Variants in PCDHAC1 observed in about 807,000 individuals in gnomAD.
PCDHAC1 encodes protocadherin alpha-C1.
PCDHAC1 carries 42 observed loss-of-function variants against 60.0 expected under a neutral mutation model. That is an observed-to-expected ratio of 0.70 (90% CI 0.55 to 0.90). The LOEUF is 0.90. Among genes scored for constraint, PCDHAC1 ranks in the 40% least tolerant of loss-of-function variants. The probability of loss-of-function intolerance (pLI) is 0.00; values close to 1 mark genes in which losing one functional copy is unlikely to be tolerated. For synonymous variants in PCDHAC1, 468 were observed against 499.3 expected (o/e 0.94, Z 0.84); for missense variants, 1,160 against 1,222.3 (o/e 0.95, Z 0.76).
At chr5:141,005,303 A>T (rs2098205194) in intron 3 of PCDHAC1, among the ~76,000 whole-genome samples, 2 of 152,212 alleles carry the variant, frequency 1.3e-5, no homozygotes, top group Non-Finnish European at 2.9e-5. Context: ...TGCCTTTGTG[A>T]ATCTTACAGT....
intron 1 of PCDHAC1, chr5:140,969,257 AATC>A (rs782398697): frequency 1.2e-6 from 2 of 1,614,102 alleles, no homozygotes; most frequent in African/African-American, 2.7e-5. Context: ...TGACAGCAGG[AATC>A]TCACAGGCCA....
chr5:140,946,959 A>C (rs918204180), intron 1 of PCDHAC1, among the ~76,000 whole-genome samples: 2 of 151,664 alleles, frequency 1.3e-5, no homozygotes, highest in Non-Finnish European at 3.0e-5. Context: ...GTATATTTCA[A>C]AATATTATAG....
chr5:140,953,873 A>G (rs537538688), intron 1 of PCDHAC1, among the ~76,000 whole-genome samples: 53 of 152,258 alleles, frequency 3.5e-4, no homozygotes, highest in African/African-American at 1.3e-3. Context: ...TGCTGCACAG[A>G]TCAACCCATC....
chr5:140,968,405 G>A, intron 1 of PCDHAC1: 1 of 1,614,002 alleles, frequency 6.2e-7, no homozygotes, highest in Non-Finnish European at 8.5e-7. Flanking sequence ...GGAGTTCTTT[G>A]TGACTGTGGA....
At chr5:140,995,393 G>T (rs1267179638) in intron 3 of PCDHAC1, among the ~76,000 whole-genome samples, 5 of 152,184 alleles carry the variant, frequency 3.3e-5, no homozygotes, top group Non-Finnish European at 7.3e-5. Flanking sequence ...GATAAAGCGG[G>T]ATGGCTCGAG....
chr5:140,973,388 G>T (rs1192097180), intron 1 of PCDHAC1, among the ~76,000 whole-genome samples: 4 of 152,202 alleles, frequency 2.6e-5, no homozygotes, highest in South Asian at 4.1e-4. Flanking sequence ...AATAGACAAA[G>T]AAATCATATC....
At chr5:140,980,515 A>G (rs779201653) in intron 2 of PCDHAC1, among the ~76,000 whole-genome samples, 18 of 152,182 alleles carry the variant, frequency 1.2e-4, no homozygotes, top group Non-Finnish European at 2.5e-4. Flanking sequence ...CTGTAGTTCC[A>G]GCTACTAGGG....
At chr5:140,985,127 C>T (rs986497777) in intron 3 of PCDHAC1, among the ~76,000 whole-genome samples, 7 of 152,152 alleles carry the variant, frequency 4.6e-5, no homozygotes, top group Non-Finnish European at 1.0e-4. Flanking sequence ...TTAGTAAAGA[C>T]GGGGTTTCAC....
chr5:141,001,849 T>C (rs889682000), intron 3 of PCDHAC1, among the ~76,000 whole-genome samples: 5 of 151,704 alleles, frequency 3.3e-5, no homozygotes, highest in African/African-American at 7.3e-5. Context: ...GAGAGAGAGG[T>C]TGATTAAATT....
intron 1 of PCDHAC1, among the ~76,000 whole-genome samples, chr5:140,941,263 T>TTC (rs2092992439): frequency 7.5e-6 from 1 of 133,334 alleles, no homozygotes; most frequent in Non-Finnish European, 1.6e-5. Flanking sequence ...TTCTCTTTCT[T>TTC]TCTTTCTTTC....
intron 2 of PCDHAC1, among the ~76,000 whole-genome samples, chr5:140,979,622 T>C (rs1300997272): frequency 6.6e-6 from 1 of 152,246 alleles, no homozygotes; most frequent in Non-Finnish European, 1.5e-5. Flanking sequence ...GGTATTAGTC[T>C]AAGACTCAGA....
Position 140,929,289 on chromosome 5 carries a change from G to C in PCDHAC1, c.2397G>C (p.Arg799=), listed in dbSNP as rs574226775. 1.3e-6 allele frequency: 2 copies of C among 1,597,364 alleles called. No individual in the cohort carries two copies. Among genetic ancestry groups the C allele is most frequent in the African/African-American group, 2.7e-5 (2 of 74,674 alleles). Residue 799 remains arginine, a synonymous_variant, in exon 1 of 4, where the codon CGG becomes CGC. Coordinates refer to ENST00000253807, the MANE Select transcript of PCDHAC1 (RefSeq NM_018898.5). ...TGCCAATATCCTGTATTCAGATTCG[G>C]AATAGGAAAGGGGATCACGCTAATG... The part of the protein sequence containing the change: ...LNLPISCIQI[R]NRKGDHANVN...
intron 3 of PCDHAC1, among the ~76,000 whole-genome samples, chr5:141,002,322 G>A (rs1477526091): frequency 6.6e-6 from 1 of 152,190 alleles, no homozygotes; most frequent in South Asian, 2.1e-4. Context: ...CCTGGAGGCC[G>A]GGCTGCATCC....
intron 1 of PCDHAC1, among the ~76,000 whole-genome samples, chr5:140,938,918 A>T (rs2092265154): frequency 6.6e-6 from 1 of 152,006 alleles, no homozygotes; most frequent in Non-Finnish European, 1.5e-5. Flanking sequence ...CACGCACAAG[A>T]AATTGGCTTT....
At chr5:140,933,262 T>G (rs2088985963) in intron 1 of PCDHAC1, among the ~76,000 whole-genome samples, 1 of 152,012 alleles carries the variant, frequency 6.6e-6, no homozygotes, top group South Asian at 2.1e-4. Flanking sequence ...AAAAGGTTAT[T>G]ATATATTCAT....
At chr5:141,005,574 T>C (rs567844252) in intron 3 of PCDHAC1, among the ~76,000 whole-genome samples, 58 of 150,842 alleles carry the variant, frequency 3.8e-4, no homozygotes, top group Non-Finnish European at 7.5e-4. Flanking sequence ...TGGTGGCGCG[T>C]GCCTGTAGTC....
At chr5:140,990,627 A>G (rs782672988) in intron 3 of PCDHAC1, among the ~76,000 whole-genome samples, 16 of 152,198 alleles carry the variant, frequency 1.1e-4, no homozygotes, top group Non-Finnish European at 1.5e-4. Flanking sequence ...GTCTGTGGTA[A>G]GACTAGAAGC....
intron 1 of PCDHAC1, among the ~76,000 whole-genome samples, chr5:140,957,527 T>C (rs1441282290): frequency 6.6e-6 from 1 of 152,138 alleles, no homozygotes; most frequent in African/African-American, 2.4e-5. Context: ...AGACATTCAG[T>C]GGGGATCTTA....
rs782449567 is a variant in PCDHAC1, at chr5:140,928,010, G to T, written c.1118G>T (p.Gly373Val). 4.3e-6 allele frequency: 7 copies of T among 1,614,168 alleles called. No individual in the cohort carries two copies. In the South Asian group the frequency reaches 6.6e-5, roughly 15 times the overall value. The change falls in exon 1 of 4, where the codon GGT becomes GTT. Residue 373 changes from glycine to valine, a missense_variant. Coordinates refer to ENST00000253807, the MANE Select transcript of PCDHAC1 (RefSeq NM_018898.5). Reference sequence around the variant, plus strand: ...AAGGATGAAGACCTCGATTCTAATGGTAGGGTCATTTGTGGCATGTCTAGT... The same window carrying T: ...AAGGATGAAGACCTCGATTCTAATGTTAGGGTCATTTGTGGCATGTCTAGT... ...SVKDEDLDSN[G>V]RVICGMSSAG...
Sources: gnomAD v4.1 joint callset for allele counts (sites outside exome capture counted in the v4.1 genomes callset) on GRCh38, gnomAD v4.1.1 for gene constraint, MANE v1.5 for transcripts, NCBI Gene and HGNC (gene_info 2026-07-23, HGNC 2026-07-21) for gene names.